CRYBG1: variants seen among roughly 807,000 people sequenced by gnomAD.
CRYBG1 encodes the protein crystallin beta-gamma domain containing 1.
Under a neutral mutation model 189.2 loss-of-function variants are expected in CRYBG1, and 139 were observed. The ratio of observed to expected loss-of-function variants is 0.73; its 90% CI spans 0.64 to 0.85. The LOEUF is 0.85. Ranked by LOEUF, CRYBG1 falls within the 40% of genes least tolerant of loss-of-function variation. The probability of loss-of-function intolerance (pLI) is 0.00; values close to 1 mark genes in which losing one functional copy is unlikely to be tolerated. For synonymous variants in CRYBG1, 1,023 were observed against 1,017.1 expected (o/e 1.01, Z -0.11); for missense variants, 2,611 against 2,675.8 (o/e 0.98, Z 0.53).
intron 9 of CRYBG1, among the ~76,000 whole-genome samples, chr6:106,540,308 T>C (rs962414623): frequency 2.0e-5 from 3 of 152,228 alleles, no homozygotes; most frequent in Admixed American, 2.0e-4. Context: ...GAGGCTCCCA[T>C]TACAAACATG....
At chr6:106,489,811 A>AGAAAAT (rs1259189724) in intron 2 of CRYBG1, among the ~76,000 whole-genome samples, 1 of 151,338 alleles carries the variant, frequency 6.6e-6, no homozygotes, top group Non-Finnish European at 1.5e-5. Flanking sequence ...AAAAAAAGAA[A>AGAAAAT]GAAAATGAAA....
Position 106,433,745 on chromosome 6 carries a change from G to GTA in CRYBG1, c.174-17939_174-17938dup, listed in dbSNP as rs1383622812. 2.8e-3 allele frequency among the ~76,000 whole-genome samples: 59 copies of GTA among 20,758 alleles called. 4 individuals carry two copies. The highest frequency in any genetic ancestry group is 3.2e-3 in the Non-Finnish European group (35 of 10,820). 13.6% of individuals were successfully genotyped at this position (20,758 alleles called of 152,430 possible). A position where few individuals can be genotyped will look rare whatever the true frequency, so the allele number is the denominator to read the frequency against. ...TATATATATATATATACATATATAT[G>GTA]TATATATATATGTGTATATATATAT... On this transcript the variant is annotated intron_variant, in intron 1 of 21. Transcript: ENST00000633556.
chr6:106,435,148 A>G (rs1296621673), intron 1 of CRYBG1, among the ~76,000 whole-genome samples: 1 of 152,128 alleles, frequency 6.6e-6, no homozygotes, highest in East Asian at 1.9e-4. Context: ...CCACTCCTCA[A>G]TCTAGCTGCC....
chr6:106,371,869 T>G (rs1770044530), intron 1 of CRYBG1, among the ~76,000 whole-genome samples: 1 of 152,252 alleles, frequency 6.6e-6, no homozygotes, highest in South Asian at 2.1e-4. Flanking sequence ...AGTAGCTAGG[T>G]GCATTGCTGG....
At chr6:106,485,234 A>G (rs561135981) in intron 2 of CRYBG1, among the ~76,000 whole-genome samples, 2 of 152,186 alleles carry the variant, frequency 1.3e-5, no homozygotes, top group African/African-American at 4.8e-5. Flanking sequence ...TTATTCCTAG[A>G]TATCTTAATT....
At chr6:106,432,811 T>A (rs1172925641) in intron 1 of CRYBG1, among the ~76,000 whole-genome samples, 2 of 151,660 alleles carry the variant, frequency 1.3e-5, no homozygotes, top group Non-Finnish European at 2.9e-5. Context: ...ACAAAAATAA[T>A]CAGATACTAT....
intron 2 of CRYBG1, among the ~76,000 whole-genome samples, chr6:106,453,353 G>C (rs1242445843): frequency 6.6e-6 from 1 of 152,034 alleles, no homozygotes; most frequent in Non-Finnish European, 1.5e-5. Flanking sequence ...ATATCAATAA[G>C]GGTACCAGAA....
intron 7 of CRYBG1, among the ~76,000 whole-genome samples, chr6:106,529,197 A>G (rs1773820064): frequency 1.3e-5 from 2 of 152,086 alleles, no homozygotes; most frequent in African/African-American, 4.8e-5. Flanking sequence ...CTGCCCGCCT[A>G]GGCCTCCCAA....
At chr6:106,384,826 G>T (rs2114325280) in intron 1 of CRYBG1, among the ~76,000 whole-genome samples, 1 of 151,892 alleles carries the variant, frequency 6.6e-6, no homozygotes, top group South Asian at 2.1e-4. Context: ...CAATTCACCT[G>T]GCTTATTCAC....
intron 17 of CRYBG1, among the ~76,000 whole-genome samples, chr6:106,557,558 G>A (rs1774579576): frequency 6.6e-6 from 1 of 152,052 alleles, no homozygotes; most frequent in Non-Finnish European, 1.5e-5. Context: ...TTACAAGCAT[G>A]CACCACCATG....
intron 2 of CRYBG1, among the ~76,000 whole-genome samples, chr6:106,485,290 A>G (rs1330021189): frequency 6.6e-6 from 1 of 152,186 alleles, no homozygotes; most frequent in Non-Finnish European, 1.5e-5. Context: ...TTTCTTTTCC[A>G]GATAGCTTGC....
intron 1 of CRYBG1, among the ~76,000 whole-genome samples, chr6:106,444,921 A>G (rs6928018): frequency 0.35 from 53,752 of 151,886 alleles, 9,821 homozygotes; most frequent in Middle Eastern, 0.49. Context: ...ATCATTTGAG[A>G]CCAGGAGTTC....
intron 2 of CRYBG1, among the ~76,000 whole-genome samples, chr6:106,464,418 G>A (rs372276267): frequency 5.9e-5 from 9 of 151,848 alleles, no homozygotes; most frequent in East Asian, 3.9e-4. Context: ...GCTTGAACCC[G>A]GGAGGCAGAG....
chr6:106,513,935 T>G (rs974584456), intron 3 of CRYBG1, among the ~76,000 whole-genome samples: 12 of 152,230 alleles, frequency 7.9e-5, no homozygotes, highest in African/African-American at 2.2e-4. Context: ...CTAGTCACTG[T>G]GGGGGAAAAA....
intron 17 of CRYBG1, among the ~76,000 whole-genome samples, chr6:106,556,100 C>T (rs948161398): frequency 6.6e-6 from 1 of 152,126 alleles, no homozygotes; most frequent in African/African-American, 2.4e-5. Flanking sequence ...CTCACTTAAT[C>T]CTCATATGCA....
intron 2 of CRYBG1, among the ~76,000 whole-genome samples, chr6:106,466,993 A>AT (rs1470344056): frequency 6.6e-6 from 1 of 152,220 alleles, no homozygotes; most frequent in Non-Finnish European, 1.5e-5. Context: ...GGGAACTGAA[A>AT]TCTCAGAAAC....
chr6:106,427,037 A>T (rs1007754593), intron 1 of CRYBG1, among the ~76,000 whole-genome samples: 12 of 151,710 alleles, frequency 7.9e-5, no homozygotes, highest in African/African-American at 1.2e-4. Flanking sequence ...GTCTCCATGA[A>T]CTCTCTTTTT....
At chr6:106,541,312 T>C (rs375352347) in intron 9 of CRYBG1, 15 of 593,666 alleles carry the variant, frequency 2.5e-5, no homozygotes, top group Non-Finnish European at 3.9e-5. Flanking sequence ...ATTTTTATGA[T>C]AAATTTTCCA....
chr6:106,526,960 G>GA (rs1773752447), intron 6 of CRYBG1, among the ~76,000 whole-genome samples: 1 of 109,234 alleles, frequency 9.2e-6, no homozygotes, highest in Non-Finnish European at 2.0e-5. Context: ...AAAAAAAAAA[G>GA]AGACAAAAAA....
Sources: gnomAD v4.1 joint callset for allele counts (sites outside exome capture counted in the v4.1 genomes callset) on GRCh38, gnomAD v4.1.1 for gene constraint, MANE v1.5 for transcripts, NCBI Gene and HGNC (gene_info 2026-07-23, HGNC 2026-07-21) for gene names.